The following GALNTL6 variants were observed in gnomAD, a reference collection of about 807,000 sequenced individuals.
GALNTL6 encodes polypeptide N-acetylgalactosaminyltransferase-like 6.
GALNTL6 carries 46 observed loss-of-function variants against 73.7 expected under a neutral mutation model. The ratio of observed to expected loss-of-function variants is 0.62; its 90% CI spans 0.49 to 0.80. The LOEUF (loss-of-function observed/expected upper bound fraction) is 0.80. GALNTL6 is among the 30% of genes least tolerant of loss of function. GALNTL6 has a pLI of 0.00. For synonymous variants in GALNTL6, 259 were observed against 263.7 expected, an observed-to-expected ratio of 0.98 and a Z score of 0.17; for missense variants, 604 against 755.0, an observed-to-expected ratio of 0.80 and a Z score of 2.34.
At chr4:172,821,567 C>T (rs962977619) in intron 7 of GALNTL6, among the ~76,000 whole-genome samples, 2 of 152,152 alleles carry the variant, frequency 1.3e-5, no homozygotes. Context: ...TTGAAAATGT[C>T]AGCTTTCAGT....
Position 171,895,908 on chromosome 4 carries a change from G to GA in GALNTL6, c.138+81200dup, listed in dbSNP as rs138703756. ...TCTTGATTTTTAAAAATGCAATAGT[G>GA]AAAAAAAAAACAGAAAACAAAATGA... On this transcript the variant is annotated intron_variant, in intron 2 of 12. Coordinates refer to ENST00000506823, the MANE Select transcript of GALNTL6 (RefSeq NM_001034845.3). Among the ~76,000 whole-genome samples the GA allele has an allele frequency of 4.3e-3, 625 of 145,352 alleles. 3 individuals are homozygous for GA. Among genetic ancestry groups the GA allele is most frequent in the African/African-American group, 0.015 (582 of 39,920 alleles).
chr4:172,494,607 A>G (rs2110756983), intron 5 of GALNTL6, among the ~76,000 whole-genome samples: 1 of 152,344 alleles, frequency 6.6e-6, no homozygotes, highest in East Asian at 1.9e-4. Flanking sequence ...TCCCAAAACC[A>G]CAAAAGTTGA....
chr4:172,671,317 C>T (rs576981740), intron 5 of GALNTL6, among the ~76,000 whole-genome samples: 84 of 152,000 alleles, frequency 5.5e-4, no homozygotes, highest in South Asian at 3.5e-3. Flanking sequence ...GTGTTATCTC[C>T]GATTTCTTTG....
chr4:172,303,099 A>G (rs1739999298), intron 3 of GALNTL6, among the ~76,000 whole-genome samples: 1 of 152,078 alleles, frequency 6.6e-6, no homozygotes, highest in Non-Finnish European at 1.5e-5. Context: ...GCCCAGGTTC[A>G]AGCGATTCTC....
intron 2 of GALNTL6, among the ~76,000 whole-genome samples, chr4:171,957,220 C>T (rs568444917): frequency 6.6e-6 from 1 of 152,280 alleles, no homozygotes; most frequent in African/African-American, 2.4e-5. Context: ...TATGTAGGAA[C>T]TTTATAAACG....
At chr4:172,624,003 T>C (rs770338077) in intron 5 of GALNTL6, among the ~76,000 whole-genome samples, 2 of 152,130 alleles carry the variant, frequency 1.3e-5, no homozygotes, top group Non-Finnish European at 2.9e-5. Context: ...CTATACAGTT[T>C]AGGATAATGT....
intron 5 of GALNTL6, among the ~76,000 whole-genome samples, chr4:172,370,144 G>A (rs1742741821): frequency 6.6e-6 from 1 of 152,182 alleles, no homozygotes; most frequent in Admixed American, 6.5e-5. Flanking sequence ...GTCCTCCAGA[G>A]GAGAGCTCTC....
intron 5 of GALNTL6, among the ~76,000 whole-genome samples, chr4:172,567,890 T>C (rs1051339029): frequency 3.9e-5 from 6 of 152,134 alleles, no homozygotes; most frequent in African/African-American, 9.7e-5. Context: ...TATTGGTGTC[T>C]CCACTATGAG....
In GALNTL6 at chr4:172,321,782, G is replaced by C. The variant is rs556374845; in HGVS notation, c.386+10030G>C. ...GGCAGACAAAAGCAGGGCAGGAGAG[G>C]GTCCCCCACCACCAGAAATGTCAGG... is the stretch of plus-strand genomic sequence containing the variant. On this transcript the variant is annotated intron_variant, in intron 4 of 12. Transcript: ENST00000506823. 2.0e-5 allele frequency among the ~76,000 whole-genome samples: 3 copies of C among 152,156 alleles called. No individual in the cohort carries two copies. The South Asian group carries it at 6.2e-4, about 32-fold the overall frequency.
chr4:172,400,278 T>C (rs2111322193), intron 5 of GALNTL6, among the ~76,000 whole-genome samples: 1 of 152,314 alleles, frequency 6.6e-6, no homozygotes, highest in Non-Finnish European at 1.5e-5. Flanking sequence ...ACCTATTACC[T>C]ACATTACAAT....
At chr4:172,185,560 AGATAAATCATCTTTTTT>A (rs1314325444) in intron 2 of GALNTL6, among the ~76,000 whole-genome samples, 2 of 152,270 alleles carry the variant, frequency 1.3e-5, no homozygotes, top group African/African-American at 2.4e-5. Flanking sequence ...GAAAAGAGGC[AGATAAATCATCTTTTTT>A]GATAAATCAT....
intron 2 of GALNTL6, among the ~76,000 whole-genome samples, chr4:171,866,323 GACTT>G: frequency 6.6e-6 from 1 of 151,476 alleles, no homozygotes; most frequent in Admixed American, 6.6e-5. Flanking sequence ...TTAAATGCCA[GACTT>G]ACTTTTATAT....
At chr4:172,550,729 G>T (rs1351773573) in intron 5 of GALNTL6, among the ~76,000 whole-genome samples, 2 of 152,004 alleles carry the variant, frequency 1.3e-5, no homozygotes, top group Non-Finnish European at 2.9e-5. Context: ...TCTCATGTAG[G>T]CAGCACTACG....
chr4:172,093,885 C>T (rs537408600), intron 2 of GALNTL6, among the ~76,000 whole-genome samples: 327 of 152,224 alleles, frequency 2.1e-3, no homozygotes, highest in African/African-American at 6.8e-3. Context: ...TCAGGACTCC[C>T]ACTGATTCTG....
At chr4:172,782,327 A>G (rs1157173881) in intron 5 of GALNTL6, among the ~76,000 whole-genome samples, 1 of 152,188 alleles carries the variant, frequency 6.6e-6, no homozygotes, top group Non-Finnish European at 1.5e-5. Context: ...AAGTCAATTA[A>G]GGACTGAAAG....
chr4:172,836,485 G>A (rs1232677670), intron 7 of GALNTL6, among the ~76,000 whole-genome samples: 1 of 152,188 alleles, frequency 6.6e-6, no homozygotes, highest in East Asian at 1.9e-4. Flanking sequence ...ATGACTCCCA[G>A]TTACCCTTAC....
At chr4:172,301,154 C>T (rs867559489) in intron 3 of GALNTL6, among the ~76,000 whole-genome samples, 11 of 152,280 alleles carry the variant, frequency 7.2e-5, no homozygotes, top group African/African-American at 2.2e-4. Context: ...TCCAGTTGAT[C>T]GAATTGGCTA....
intron 5 of GALNTL6, among the ~76,000 whole-genome samples, chr4:172,654,369 T>C (rs1730868502): frequency 6.6e-6 from 1 of 152,196 alleles, no homozygotes; most frequent in East Asian, 1.9e-4. Context: ...TTCCTAGAGT[T>C]CTATTTCTTG....
chr4:171,933,758 G>A (rs777843176), intron 2 of GALNTL6, among the ~76,000 whole-genome samples: 37 of 151,970 alleles, frequency 2.4e-4, no homozygotes, highest in Non-Finnish European at 4.4e-4. Flanking sequence ...TTAACTAGTA[G>A]CAGTCACACG....
Sources: allele counts gnomAD v4.1 joint callset (sites outside exome capture counted in the v4.1 genomes callset), GRCh38; gene constraint gnomAD v4.1.1; transcripts MANE v1.5; gene names NCBI Gene and HGNC (gene_info 2026-07-23, HGNC 2026-07-21).